EYA2: variants seen among roughly 807,000 people sequenced by gnomAD.
The protein encoded by EYA2 is protein phosphatase EYA2.
In EYA2, 31 loss-of-function variants were observed where a neutral mutation model predicts 69.2. That is an observed-to-expected ratio of 0.45 (90% confidence interval 0.34 to 0.60). The LOEUF is 0.60. Among genes scored for constraint, EYA2 ranks in the 20% least tolerant of loss-of-function variants. The pLI is 0.02. For synonymous variants in EYA2, 257 were observed against 279.4 expected (o/e 0.92, Z 0.80); for missense variants, 622 against 701.2 (o/e 0.89, Z 1.28).
At chr20:46,991,968 CAAAAAA>C (rs36163121) in intron 2 of EYA2, among the ~76,000 whole-genome samples, 1,206 of 79,268 alleles carry the variant, frequency 0.015, 19 homozygotes, top group African/African-American at 0.054. Flanking sequence ...GACTCCGTCT[CAAAAAA>C]AAAAAAAAAA....
chr20:47,001,265 G>A (rs1446901784), intron 2 of EYA2, among the ~76,000 whole-genome samples, 163 bp from the exon 3 acceptor site: 1 of 152,138 alleles, frequency 6.6e-6, no homozygotes, highest in African/African-American at 2.4e-5. Flanking sequence ...TCAAGAAGAA[G>A]AGTGCTGAGA....
At chr20:46,908,493 C>G (rs12480437) in intron 1 of EYA2, among the ~76,000 whole-genome samples, 3 of 152,222 alleles carry the variant, frequency 2.0e-5, no homozygotes, top group Non-Finnish European at 2.9e-5. Context: ...AGCTGCCGTT[C>G]TGCGTCAATC....
At position 46,961,906 on chromosome 20, in the gene EYA2, T is replaced by C. The variant is rs553668318; in HGVS notation, c.-10-28095T>C. 1.7e-4 allele frequency among the ~76,000 whole-genome samples: 26 copies of C among 152,346 alleles called. No individual in the cohort carries two copies. The South Asian group carries it at 1.9e-3, about 11-fold the overall frequency. On this transcript the variant is annotated intron_variant, in intron 1 of 15. Coordinates refer to ENST00000327619, the MANE Select transcript of EYA2 (RefSeq NM_005244.5). The stretch of plus-strand genomic sequence containing the variant: ...TGAACCAGAGGCTGCTTAACAGATA[T>C]GAAATTACAGCAAGAGAGGAGGAAT...
At chr20:46,896,686 A>G (rs911101779) in intron 1 of EYA2, among the ~76,000 whole-genome samples, 1 of 152,232 alleles carries the variant, frequency 6.6e-6, no homozygotes, top group Non-Finnish European at 1.5e-5. Context: ...TGTATTAAAA[A>G]AAATCTCCTT....
At chr20:46,978,561 TC>T in intron 1 of EYA2, 1 of 534,738 alleles carries the variant, frequency 1.9e-6, no homozygotes, top group East Asian at 5.4e-5. Flanking sequence ...AGAAGCCAGA[TC>T]AAGGCTGTGT....
chr20:47,003,405 A>G (rs1377032371), intron 3 of EYA2, among the ~76,000 whole-genome samples: 1 of 152,224 alleles, frequency 6.6e-6, no homozygotes, highest in African/African-American at 2.4e-5. Context: ...TGGCCCTTGT[A>G]GGCATTGTTG....
chr20:47,095,313 A>T (rs1225104315), intron 8 of EYA2, among the ~76,000 whole-genome samples: 3 of 152,294 alleles, frequency 2.0e-5, no homozygotes, highest in South Asian at 4.1e-4. Context: ...CAGATTTATT[A>T]AAAAATATTA....
intron 1 of EYA2, among the ~76,000 whole-genome samples, chr20:46,968,016 G>A (rs1600590795): frequency 6.6e-6 from 1 of 152,170 alleles, no homozygotes; most frequent in South Asian, 2.1e-4. Flanking sequence ...TGAGATATGG[G>A]GGATGGCTGC....
intron 5 of EYA2, among the ~76,000 whole-genome samples, chr20:47,030,730 C>A (rs1984361289): frequency 2.5e-5 from 2 of 81,290 alleles, no homozygotes; most frequent in African/African-American, 5.7e-5. Context: ...GGCCTCTCCT[C>A]TTTGGGTTCA....
chr20:47,181,864 G>T (rs761653949), intron 14 of EYA2, among the ~76,000 whole-genome samples: 28 of 152,122 alleles, frequency 1.8e-4, no homozygotes, highest in Non-Finnish European at 3.2e-4. Context: ...GGTTGTTGAA[G>T]ATTTTTCAAC....
intron 1 of EYA2, among the ~76,000 whole-genome samples, chr20:46,986,427 A>AATATATAAATCTATATAATATCTAT (rs1981218836): frequency 1.1e-5 from 1 of 90,224 alleles, no homozygotes; most frequent in African/African-American, 3.5e-5. Flanking sequence ...CTATATATAT[A>AATATATAAATCTATATAATATCTAT]ATATATAATA....
chr20:46,963,368 A>C (rs1253912962), intron 1 of EYA2, among the ~76,000 whole-genome samples: 2 of 152,236 alleles, frequency 1.3e-5, no homozygotes, highest in African/African-American at 2.4e-5. Flanking sequence ...AGTCGTCAAA[A>C]AAGAAATGTA....
intron 5 of EYA2, among the ~76,000 whole-genome samples, chr20:47,018,746 G>T (rs942327585): frequency 6.6e-6 from 1 of 152,222 alleles, no homozygotes; most frequent in Non-Finnish European, 1.5e-5. Flanking sequence ...CAGCAACCGC[G>T]TGAGGTGGGC....
intron 1 of EYA2, among the ~76,000 whole-genome samples, chr20:46,969,363 A>C (rs1046134511): frequency 6.6e-6 from 1 of 152,144 alleles, no homozygotes; most frequent in African/African-American, 2.4e-5. Context: ...GATTACAGGC[A>C]TGAGCCACCG....
At chr20:47,048,678 A>C (rs73622699) in intron 5 of EYA2, among the ~76,000 whole-genome samples, 25,503 of 152,224 alleles carry the variant, frequency 0.17, 2,362 homozygotes, top group African/African-American at 0.24. Context: ...CAGAGGTTGC[A>C]GTGAGCCAAG....
intron 10 of EYA2, chr20:47,161,283 G>T (rs2146633330): frequency 1.9e-6 from 1 of 537,352 alleles, no homozygotes; most frequent in East Asian, 4.8e-5. Flanking sequence ...CGGATGGCGT[G>T]GCCACCTCCT....
chr20:46,957,734 A>G (rs755283580), intron 1 of EYA2, among the ~76,000 whole-genome samples: 13 of 152,146 alleles, frequency 8.5e-5, no homozygotes, highest in Admixed American at 2.6e-4. Flanking sequence ...AGACACCTGG[A>G]TTGTGGCCCA....
intron 10 of EYA2, among the ~76,000 whole-genome samples, chr20:47,143,695 A>G (rs968928246): frequency 3.9e-5 from 6 of 152,234 alleles, no homozygotes; most frequent in Non-Finnish European, 5.9e-5. Flanking sequence ...GCGGGAGAGC[A>G]GCTTCAAAAA....
Position 47,035,987 on chromosome 20 carries a change from G to C in EYA2, c.415+19690G>C, listed in dbSNP as rs971479648. Among the ~76,000 whole-genome samples, 46 of 152,238 alleles carry C rather than the reference G, an allele frequency of 3.0e-4. 1 individual carries two copies. The highest frequency in any genetic ancestry group is 5.8e-4 in the East Asian group (3 of 5,184). On this transcript the variant is annotated intron_variant, in intron 5 of 15. Coordinates refer to ENST00000327619, the MANE Select transcript of EYA2 (RefSeq NM_005244.5). ...GATTGTGCCACTGCACTCCAGCCTG[G>C]GTGACAGAGTAAGACCCTATTTCAA...
Sources: allele counts gnomAD v4.1 joint callset (sites outside exome capture counted in the v4.1 genomes callset), GRCh38; gene constraint gnomAD v4.1.1; transcripts MANE v1.5; gene names NCBI Gene and HGNC (gene_info 2026-07-23, HGNC 2026-07-21).